Variants in MET observed in about 807,000 individuals in gnomAD.
MET encodes the protein MET proto-oncogene, receptor tyrosine kinase.
MET carries 48 observed loss-of-function variants against 133.1 expected under a neutral mutation model. That is an observed-to-expected ratio of 0.36 (90% CI 0.29 to 0.46). The LOEUF (loss-of-function observed/expected upper bound fraction) is 0.46, where lower values mean the gene tolerates loss of function less well. MET is among the 20% of genes least tolerant of loss of function. The probability of loss-of-function intolerance (pLI) is 1.00; values close to 1 mark genes in which losing one functional copy is unlikely to be tolerated. For missense variants in MET, 1,442 were observed against 1,695.9 expected, an observed-to-expected ratio of 0.85 and a Z score of 2.63; for synonymous variants, 628 against 616.5, an observed-to-expected ratio of 1.02 and a Z score of -0.28.
intron 5 of MET, 61 bp downstream of exon 5, chr7:116,741,086 T>A (rs1012948048): frequency 6.6e-7 from 1 of 1,514,186 alleles, no homozygotes; most frequent in Non-Finnish European, 9.0e-7. Context: ...TTTTTTTTGG[T>A]TTGGTTTGGT....
At chr7:116,718,320 G>A (rs1000679280) in intron 2 of MET, among the ~76,000 whole-genome samples, 14 of 151,946 alleles carry the variant, frequency 9.2e-5, no homozygotes, top group African/African-American at 2.4e-4. Flanking sequence ...CCCAGGAGGC[G>A]GAGGTTGTAG....
intron 3 of MET, among the ~76,000 whole-genome samples, chr7:116,733,908 G>T (rs1048357161): frequency 6.6e-6 from 1 of 152,148 alleles, no homozygotes; most frequent in Non-Finnish European, 1.5e-5. Context: ...AAACCACAGA[G>T]AATCTATTTC....
intron 5 of MET, among the ~76,000 whole-genome samples, chr7:116,746,520 G>A (rs1335785982): frequency 2.0e-5 from 3 of 152,090 alleles, no homozygotes; most frequent in African/African-American, 4.8e-5. Flanking sequence ...GCAAAGACTT[G>A]GAACCAACCC....
chr7:116,793,545 T>A (rs1453851167), intron 19 of MET, among the ~76,000 whole-genome samples: 1 of 151,974 alleles, frequency 6.6e-6, no homozygotes, highest in Non-Finnish European at 1.5e-5. Flanking sequence ...GGGTCCCTAA[T>A]CCCTTCCCCT....
chr7:116,714,279 C>T (rs952191427), intron 2 of MET, among the ~76,000 whole-genome samples: 2 of 152,136 alleles, frequency 1.3e-5, no homozygotes, highest in Non-Finnish European at 2.9e-5. Flanking sequence ...GTGGTGGTAC[C>T]TCAAGAGAAA....
intron 2 of MET, among the ~76,000 whole-genome samples, chr7:116,716,964 C>A (rs768342842): frequency 1.1e-4 from 16 of 152,208 alleles, no homozygotes; most frequent in African/African-American, 3.6e-4. Flanking sequence ...TTGCCCCCCC[C>A]AGCTTTGCTC....
chr7:116,760,667 A>G (rs183792760), intron 10 of MET, among the ~76,000 whole-genome samples: 3 of 152,310 alleles, frequency 2.0e-5, no homozygotes, highest in African/African-American at 7.2e-5. Flanking sequence ...TTTAATTACA[A>G]AAACCAATTT....
chr7:116,765,988 C>T (rs560044400), intron 11 of MET, among the ~76,000 whole-genome samples: 3 of 152,160 alleles, frequency 2.0e-5, no homozygotes, highest in Admixed American at 1.3e-4. Flanking sequence ...TATATTAACT[C>T]TCATTTAATG....
chr7:116,727,967 A>G (rs1458491351), intron 2 of MET, among the ~76,000 whole-genome samples: 2 of 152,206 alleles, frequency 1.3e-5, no homozygotes, highest in African/African-American at 4.8e-5. Context: ...GGGCTCAAAG[A>G]CAGGGTGCAG....
intron 5 of MET, among the ~76,000 whole-genome samples, chr7:116,745,996 C>G (rs1793663244): frequency 6.6e-6 from 1 of 152,124 alleles, no homozygotes; most frequent in Non-Finnish European, 1.5e-5. Flanking sequence ...AACAGGCAAC[C>G]TACAGAATGG....
rs118133676 is a variant in MET at position 116,766,324 on chromosome 7, A to G, written c.2583+3056A>G. On this transcript the variant is annotated intron_variant, in intron 11 of 20. Transcript: ENST00000397752. ...TCAATCTGGAGAAGTCAGGTCAAAC[A>G]GGAAAAAGAAGCACAGGAAGATGAG... Among the ~76,000 whole-genome samples, 72 of 152,344 alleles carry G rather than the reference A, an allele frequency of 4.7e-4. 3 individuals are homozygous for G. In the East Asian group the frequency reaches 0.014, roughly 29 times the overall value.
Position 116,757,722 on chromosome 7 carries a change from A to G in MET, c.2050A>G (p.Ser684Gly), listed in dbSNP as rs1554395462. The change falls in exon 8 of 21, where the codon AGT becomes GGT. Residue 684 changes from serine (S) to glycine (G), a missense_variant. Around this residue, in one of 6 missense-constraint regions of MET, gnomAD observed 514 missense variants for 659.6 expected, o/e 0.78. Coordinates refer to ENST00000397752, the MANE Select transcript of MET (RefSeq NM_000245.4). The stretch of plus-strand genomic sequence containing the variant: ...TACTTTAACTGGAAATTACCTAAAC[A>G]GTGGGAATTCTAGACACATTTCAAT... ...LLTLTGNYLN[S>G]GNSRHISIGG... 1 of 1,613,982 alleles carries G rather than the reference A, an allele frequency of 6.2e-7. No individual in the cohort carries two copies. The highest frequency in any genetic ancestry group is 8.5e-7 in the Non-Finnish European group (1 of 1,179,924).
intron 6 of MET, among the ~76,000 whole-genome samples, chr7:116,755,984 G>A (rs538762716): frequency 6.6e-6 from 1 of 152,180 alleles, no homozygotes; most frequent in Non-Finnish European, 1.5e-5. Context: ...TTTTAGATGA[G>A]TTAAAATTTA....
At chr7:116,702,196 T>C (rs982504312) in intron 2 of MET, among the ~76,000 whole-genome samples, 1 of 152,046 alleles carries the variant, frequency 6.6e-6, no homozygotes, top group Non-Finnish European at 1.5e-5. Context: ...CCTGAAACCA[T>C]TATCACTCCC....
chr7:116,682,096 C>A (rs1247527345), intron 1 of MET, among the ~76,000 whole-genome samples: 1 of 152,024 alleles, frequency 6.6e-6, no homozygotes, highest in Non-Finnish European at 1.5e-5. Flanking sequence ...ACGTCAAGGC[C>A]CAGTGATTTT....
intron 15 of MET, 29 bp from the exon 16 acceptor site, chr7:116,777,360 G>T: frequency 6.3e-7 from 1 of 1,581,716 alleles, no homozygotes; most frequent in Non-Finnish European, 8.7e-7. Flanking sequence ...ATGTTACGCA[G>T]TGCTAACCAA....
chr7:116,780,680 T>C (rs940618370), intron 17 of MET, among the ~76,000 whole-genome samples: 1 of 152,226 alleles, frequency 6.6e-6, no homozygotes, highest in African/African-American at 2.4e-5. Context: ...AAGAGAAACC[T>C]AAAACCAGGA....
chr7:116,763,377 A>G, intron 11 of MET, 109 bp downstream of exon 11: 1 of 951,400 alleles, frequency 1.1e-6, no homozygotes, highest in Non-Finnish European at 1.7e-6. Flanking sequence ...ATACAACACC[A>G]GCAAATATAT....
Position 116,774,984 on chromosome 7 carries a change from T to C in MET, c.3132T>C (p.Ser1044=). 1 of 1,614,184 alleles carries C rather than the reference T, an allele frequency of 6.2e-7. No homozygotes were observed. The highest frequency in any genetic ancestry group is 8.5e-7 in the Non-Finnish European group (1 of 1,180,012). ...ILTSGDSDIS[S]PLLQNTVHID... Reference sequence around the variant, plus strand: ...CTAGTGGGGACTCTGATATATCCAGTCCATTACTGCAAAATACTGTCCACA... The same window carrying C: ...CTAGTGGGGACTCTGATATATCCAGCCCATTACTGCAAAATACTGTCCACA... The change falls in exon 15 of 21, where the codon AGT becomes AGC. Residue 1044 remains serine (S), a synonymous_variant. Transcript: ENST00000397752.
Sources: allele counts gnomAD v4.1 joint callset (sites outside exome capture counted in the v4.1 genomes callset), GRCh38; gene constraint gnomAD v4.1.1; regional missense constraint gnomAD v4.1.1; transcripts MANE v1.5; gene names NCBI Gene and HGNC (gene_info 2026-07-23, HGNC 2026-07-21).